The following GNL3L variants were observed in gnomAD, a reference collection of about 807,000 sequenced individuals.
GNL3L encodes guanine nucleotide-binding protein-like 3-like protein.
In GNL3L, 4 loss-of-function variants were observed where a neutral mutation model predicts 42.9. The observed-to-expected ratio is 0.09, with a 90% CI of 0.05 to 0.21. GNL3L has a LOEUF of 0.21. Among genes scored for constraint, GNL3L ranks in the 10% least tolerant of loss-of-function variants. The probability of loss-of-function intolerance (pLI) is 1.00; values close to 1 mark genes in which losing one functional copy is unlikely to be tolerated. For missense variants in GNL3L, 412 were observed against 481.7 expected, an observed-to-expected ratio of 0.86 and a Z score of 1.36; for synonymous variants, 159 against 176.3, an observed-to-expected ratio of 0.90 and a Z score of 0.78.
At chrX:54,623,083 T>A (rs1191391647), downstream of GNL3L, among the ~76,000 whole-genome samples, 1 of 111,776 alleles carries the variant, frequency 8.9e-6, no homozygotes, top group African/African-American at 3.3e-5. Flanking sequence ...TCTATATGTC[T>A]ATCTTTATAC....
the GNL3L span, among the ~76,000 whole-genome samples, chrX:54,642,762 C>A: frequency 9.0e-6 from 1 of 111,386 alleles, no homozygotes; most frequent in East Asian, 2.8e-4. Flanking sequence ...CCCTGCATAG[C>A]CCTTGTCACT....
At chrX:54,611,140 G>A (rs1016605823) in intron 16 of GNL3L, among the ~76,000 whole-genome samples, 1 of 111,199 alleles carries the variant, frequency 9.0e-6, no homozygotes, top group Non-Finnish European at 1.9e-5. Context: ...GCATAAAGGT[G>A]TGTTCATAGT....
At chrX:54,569,741 G>T (rs1270487059), downstream of GNL3L, among the ~76,000 whole-genome samples, 3 of 111,498 alleles carry the variant, frequency 2.7e-5, no homozygotes, top group African/African-American at 9.7e-5. Flanking sequence ...TCTGTTTTCT[G>T]TTTTCTAATT....
downstream of GNL3L, among the ~76,000 whole-genome samples, chrX:54,622,273 ATTTTTTT>A (rs773487259): frequency 1.5e-4 from 9 of 59,000 alleles, no homozygotes; most frequent in South Asian, 8.0e-4. Context: ...AGTTGCAGGA[ATTTTTTT>A]TTTTTTTTTT....
intron 16 of GNL3L, among the ~76,000 whole-genome samples, chrX:54,581,100 T>A (rs997167416): frequency 1.8e-5 from 2 of 112,331 alleles, no homozygotes; most frequent in South Asian, 7.3e-4. Flanking sequence ...AATTTTTAGA[T>A]GCAGTTGTAC....
In GNL3L at chrX:54,561,841, T is replaced by C. The variant is rs1426645106; in HGVS notation, c.*1239T>C. 8.9e-6 allele frequency among the ~76,000 whole-genome samples: 1 copy of C among 111,766 alleles called. No homozygotes were observed. The highest frequency in any genetic ancestry group is 3.3e-5 in the African/African-American group (1 of 30,746). On this transcript the variant is annotated 3_prime_UTR_variant, in exon 16 of 16. Coordinates refer to ENST00000360845, the MANE Select transcript of GNL3L (RefSeq NM_001184819.2). ...TTAAAGTATAATTAGCTGTCTCCTC[T>C]GGGAGATCCTACCCCATCAGACAAG...
intron 16 of GNL3L, among the ~76,000 whole-genome samples, chrX:54,572,573 T>G (rs1283913707): frequency 1.0e-5 from 1 of 97,510 alleles, no homozygotes; most frequent in African/African-American, 3.8e-5. Flanking sequence ...CACTTCCCAG[T>G]AGGGGCGGCT....
intron 14 of GNL3L, among the ~76,000 whole-genome samples, chrX:54,556,105 G>C (rs1248965118): frequency 9.0e-6 from 1 of 110,933 alleles, no homozygotes; most frequent in Non-Finnish European, 1.9e-5. Flanking sequence ...TACTACCTGT[G>C]GGTCAAGGAA....
chrX:54,537,350 G>A (rs773533771), intron 2 of GNL3L, among the ~76,000 whole-genome samples: 1 of 110,632 alleles, frequency 9.0e-6, no homozygotes, highest in Admixed American at 9.7e-5. Context: ...TGCTGCCTGT[G>A]TCTTTCCAGT....
intron 16 of GNL3L, among the ~76,000 whole-genome samples, chrX:54,588,456 C>T (rs1437605694): frequency 2.7e-5 from 3 of 112,421 alleles, no homozygotes; most frequent in Non-Finnish European, 3.8e-5. Flanking sequence ...TGCTTTTCTG[C>T]ATCACTTGAT....
At chrX:54,644,590 T>G in the GNL3L span, among the ~76,000 whole-genome samples, 1 of 112,291 alleles carries the variant, frequency 8.9e-6, no homozygotes, top group African/African-American at 3.2e-5. Flanking sequence ...TGCTTTTGTT[T>G]ATTTCTGCAC....
intron 16 of GNL3L, among the ~76,000 whole-genome samples, chrX:54,577,568 C>G (rs1194375719): frequency 9.0e-6 from 1 of 111,664 alleles, no homozygotes; most frequent in Admixed American, 9.6e-5. Context: ...CCAACATCTT[C>G]CCATTTCCCT....
At position 54,618,165 on chromosome X, in the gene GNL3L, A is replaced by C. The variant is rs778895836; in HGVS notation, c.*46-2680A>C. Among the ~76,000 whole-genome samples, 3 of 110,225 alleles carry C rather than the reference A, an allele frequency of 2.7e-5. No individual in the cohort carries two copies. The South Asian group carries it at 1.2e-3, about 43-fold the overall frequency. ...GCTCCTAGATCTTTCCCTTTTGCTC[A>C]TTCCTCCCTCTTGAGCTCTAGACAT... On this transcript the variant is annotated intron_variant, in intron 16 of 16. Coordinates refer to the GNL3L transcript ENST00000674498.
intron 16 of GNL3L, among the ~76,000 whole-genome samples, chrX:54,582,235 TACTC>T (rs1318331094): frequency 9.0e-6 from 1 of 111,520 alleles, no homozygotes; most frequent in African/African-American, 3.3e-5. Flanking sequence ...CTCTGTTGCT[TACTC>T]ACTTGCCATG....
chrX:54,612,911 G>A (rs376386359), intron 16 of GNL3L, among the ~76,000 whole-genome samples: 5 of 111,644 alleles, frequency 4.5e-5, no homozygotes, highest in Non-Finnish European at 9.4e-5. Context: ...GTGGCTAGGC[G>A]AAGATCTTTT....
intron 16 of GNL3L, among the ~76,000 whole-genome samples, chrX:54,610,367 G>A (rs1361483307): frequency 9.0e-6 from 1 of 111,146 alleles, no homozygotes; most frequent in African/African-American, 3.3e-5. Context: ...GATTGCTCTG[G>A]CTAGGACTTC....
chrX:54,593,739 A>G (rs183060642), intron 16 of GNL3L, among the ~76,000 whole-genome samples: 1 of 111,280 alleles, frequency 9.0e-6, no homozygotes, highest in Non-Finnish European at 1.9e-5. Flanking sequence ...ACTTATAGCT[A>G]TAAACTTCCC....
intron 16 of GNL3L, among the ~76,000 whole-genome samples, chrX:54,600,206 CTTTTTTTTTT>C (rs1172527598): frequency 2.3e-3 from 31 of 13,389 alleles, no homozygotes; most frequent in African/African-American, 9.5e-3. Context: ...CAATCTGCTG[CTTTTTTTTTT>C]TTTTTTTTTT....
Position 54,566,445 on chromosome X carries a change from C to T in GNL3L, c.*5843C>T, listed in dbSNP as rs762911667. Reference sequence around the variant, plus strand: ...CAGAATGATTTATATTATGCATAACCAAAACTGTACTTATTAAACAATAAC... The same window carrying T: ...CAGAATGATTTATATTATGCATAACTAAAACTGTACTTATTAAACAATAAC... On this transcript the variant is annotated 3_prime_UTR_variant, in exon 16 of 16. Coordinates refer to ENST00000360845, the MANE Select transcript of GNL3L (RefSeq NM_001184819.2). Among the ~76,000 whole-genome samples the T allele has an allele frequency of 1.8e-5, 2 of 111,552 alleles. No homozygotes were observed. The highest frequency in any genetic ancestry group is 6.5e-5 in the African/African-American group (2 of 30,711).
Sources: gnomAD v4.1 joint callset for allele counts (sites outside exome capture counted in the v4.1 genomes callset) on GRCh38, gnomAD v4.1.1 for gene constraint, MANE v1.5 for transcripts, NCBI Gene and HGNC (gene_info 2026-07-23, HGNC 2026-07-21) for gene names.